The following DAB1 variants were observed in gnomAD, a reference collection of about 807,000 sequenced individuals.
DAB1 encodes disabled homolog 1.
In DAB1, 15 loss-of-function variants were observed where a neutral mutation model predicts 64.6. That is an observed-to-expected ratio of 0.23 (90% confidence interval 0.16 to 0.36). The LOEUF (loss-of-function observed/expected upper bound fraction) is 0.36. Among genes scored for constraint, DAB1 ranks in the 10% least tolerant of loss-of-function variants. The pLI, the probability that DAB1 is intolerant of heterozygous loss-of-function variation, is 1.00. For synonymous variants in DAB1, 235 were observed against 251.9 expected (o/e 0.93, Z 0.64); for missense variants, 596 against 706.7 (o/e 0.84, Z 1.78).
intron 2 of DAB1, among the ~76,000 whole-genome samples, chr1:57,186,222 C>T (rs1663544529): frequency 6.6e-6 from 1 of 152,122 alleles, no homozygotes; most frequent in African/African-American, 2.4e-5. Flanking sequence ...AAATTCTCTC[C>T]AATATGTATC....
At chr1:58,049,944 C>T (rs1340391908) in intron 5 of DAB1, among the ~76,000 whole-genome samples, 1 of 151,970 alleles carries the variant, frequency 6.6e-6, no homozygotes, top group Non-Finnish European at 1.5e-5. Flanking sequence ...AGGGGGCATG[C>T]AGGAAACCAT....
chr1:58,319,868 T>C lies in DAB1; in HGVS notation n.309+23484A>G, dbSNP rs1425936885. Among the ~76,000 whole-genome samples the C allele has an allele frequency of 2.6e-5, 4 of 152,242 alleles. No individual in the cohort carries two copies. In the East Asian group the frequency reaches 7.7e-4, roughly 29 times the overall value. On this transcript the variant is annotated intron_variant and non_coding_transcript_variant, in intron 4 of 20. Transcript: ENST00000485760. ...AACTTTCTCTAATATTTCATTTTTC[T>C]TCCATCTGCTGCTCACTAGATCATG...
chr1:57,262,565 C>T (rs1055642465), intron 2 of DAB1, among the ~76,000 whole-genome samples: 1 of 152,212 alleles, frequency 6.6e-6, no homozygotes, highest in East Asian at 1.9e-4. Context: ...GACAAGTCCC[C>T]AAAGTCAGTG....
At chr1:57,807,760 C>T (rs1385346212) in intron 6 of DAB1, among the ~76,000 whole-genome samples, 1 of 152,086 alleles carries the variant, frequency 6.6e-6, no homozygotes, top group African/African-American at 2.4e-5. Context: ...ATCTCTTCTT[C>T]CTCAAACACC....
In DAB1 at chr1:57,097,930, G is replaced by A. The variant is rs549412476; in HGVS notation, c.307-25516C>T. Among the ~76,000 whole-genome samples the A allele has an allele frequency of 1.3e-3, 203 of 151,958 alleles. 6 individuals carry two copies. The South Asian group carries it at 0.024, about 18-fold the overall frequency. Reference sequence around the variant, plus strand: ...ATAGCTGGGACCACAGGTGTCCACCGCCACGCTTGGCTAATTTTTTGTATT... The same window carrying A: ...ATAGCTGGGACCACAGGTGTCCACCACCACGCTTGGCTAATTTTTTGTATT... On this transcript the variant is annotated intron_variant, in intron 4 of 14. Transcript: ENST00000371236.
chr1:57,230,335 A>AAAC (rs1553158617), intron 2 of DAB1, among the ~76,000 whole-genome samples: 2 of 145,548 alleles, frequency 1.4e-5, no homozygotes, highest in African/African-American at 2.5e-5. Context: ...AAAAAAAAAA[A>AAAC]AAAACAGCTG....
At chr1:58,000,326 T>TA in intron 5 of DAB1, among the ~76,000 whole-genome samples, 1 of 152,130 alleles carries the variant, frequency 6.6e-6, no homozygotes, top group East Asian at 1.9e-4. Context: ...AGAAAGAAAA[T>TA]ATCTGTATGG....
chr1:57,449,741 G>T (rs1686281894), intron 7 of DAB1, among the ~76,000 whole-genome samples: 2 of 151,980 alleles, frequency 1.3e-5, no homozygotes, highest in African/African-American at 2.4e-5. Flanking sequence ...AATTATTTTG[G>T]TATCTTTAGA....
At chr1:58,090,447 T>G (rs1321293340) in intron 5 of DAB1, among the ~76,000 whole-genome samples, 1 of 152,212 alleles carries the variant, frequency 6.6e-6, no homozygotes, top group Non-Finnish European at 1.5e-5. Flanking sequence ...TTGCATCTTA[T>G]TTTTCTCCTC....
intron 7 of DAB1, among the ~76,000 whole-genome samples, chr1:57,479,437 A>G (rs1190766255): frequency 6.7e-6 from 1 of 148,772 alleles, no homozygotes; most frequent in Admixed American, 6.7e-5. Context: ...GCTATTTAAC[A>G]TATATAATAT....
intron 2 of DAB1, among the ~76,000 whole-genome samples, chr1:57,173,946 T>A (rs11206990): frequency 0.59 from 89,738 of 152,038 alleles, 27,094 homozygotes; most frequent in African/African-American, 0.71. Flanking sequence ...CTTTTATATT[T>A]AAAATGAACA....
At chr1:58,182,072 G>A (rs762853330) in intron 4 of DAB1, among the ~76,000 whole-genome samples, 3 of 151,954 alleles carry the variant, frequency 2.0e-5, no homozygotes, top group Non-Finnish European at 4.4e-5. Context: ...TGGTTGATAG[G>A]TTTTTGTCTT....
chr1:57,149,181 G>T (rs1659429514), intron 2 of DAB1, among the ~76,000 whole-genome samples: 1 of 152,112 alleles, frequency 6.6e-6, no homozygotes, highest in Non-Finnish European at 1.5e-5. Flanking sequence ...TATCAGTAAT[G>T]CTTTTTTTGC....
chr1:57,839,261 T>A (rs1325881692), intron 1 of DAB1, among the ~76,000 whole-genome samples: 2 of 152,152 alleles, frequency 1.3e-5, no homozygotes, highest in African/African-American at 4.8e-5. Flanking sequence ...TCCTGCTCCA[T>A]CCTTTAAAAA....
At chr1:57,444,471 G>T (rs901799788) in intron 7 of DAB1, among the ~76,000 whole-genome samples, 7 of 152,146 alleles carry the variant, frequency 4.6e-5, no homozygotes, top group African/African-American at 1.7e-4. Flanking sequence ...GGTCACTATA[G>T]TGGGTTGAAT....
chr1:57,052,601 G>A lies in DAB1; in HGVS notation c.723+10283C>T, dbSNP rs141165721. ...ATAATGTCAAGTTATTAACGGTGAA[G>A]ACAGGAATGGGGCCACTGGGGTACC... is the stretch of plus-strand genomic sequence containing the variant. On this transcript the variant is annotated intron_variant, in intron 9 of 14. Transcript: ENST00000371236. Among the ~76,000 whole-genome samples the A allele has an allele frequency of 3.3e-5, 5 of 152,302 alleles. No homozygotes were observed. In the East Asian group the frequency reaches 9.6e-4, roughly 29 times the overall value.
At chr1:57,777,433 A>G (rs2101838236) in intron 6 of DAB1, among the ~76,000 whole-genome samples, 1 of 151,928 alleles carries the variant, frequency 6.6e-6, no homozygotes, top group Non-Finnish European at 1.5e-5. Context: ...CGTACACGTT[A>G]AATCACTGGA....
intron 6 of DAB1, among the ~76,000 whole-genome samples, chr1:57,680,206 G>T (rs1646620394): frequency 6.6e-6 from 1 of 152,336 alleles, no homozygotes; most frequent in Admixed American, 6.5e-5. Context: ...GAAAAGAAAA[G>T]TCCAAGGTAC....
At chr1:57,698,024 G>C (rs1278827773) in intron 6 of DAB1, among the ~76,000 whole-genome samples, 3 of 151,458 alleles carry the variant, frequency 2.0e-5, no homozygotes, top group Non-Finnish European at 4.4e-5. Flanking sequence ...GGTGTATTTT[G>C]ACTGCATAGA....
Sources: gnomAD v4.1 joint callset for allele counts (sites outside exome capture counted in the v4.1 genomes callset) on GRCh38, gnomAD v4.1.1 for gene constraint, MANE v1.5 for transcripts, NCBI Gene and HGNC (gene_info 2026-07-23, HGNC 2026-07-21) for gene names.